Variants in FXR1 observed in about 807,000 individuals in gnomAD.
FXR1 encodes FMR1 autosomal homolog 1.
A neutral mutation model predicts 84.0 loss-of-function variants in FXR1; 15 were observed. The observed-to-expected ratio is 0.18, with a 90% CI of 0.12 to 0.27. The LOEUF (loss-of-function observed/expected upper bound fraction) is 0.27, where lower values mean the gene tolerates loss of function less well. FXR1 is among the 10% of genes least tolerant of loss of function. The probability of loss-of-function intolerance (pLI) is 1.00; values close to 1 mark genes in which losing one functional copy is unlikely to be tolerated. For missense variants in FXR1, 480 were observed against 774.4 expected, an observed-to-expected ratio of 0.62 and a Z score of 4.51; for synonymous variants, 245 against 250.7, an observed-to-expected ratio of 0.98 and a Z score of 0.21.
intron 8 of FXR1, among the ~76,000 whole-genome samples, chr3:180,952,816 A>G (rs1338520209): frequency 6.6e-6 from 1 of 151,350 alleles, no homozygotes; most frequent in South Asian, 2.1e-4. Context: ...AATTTAAAAA[A>G]AATTTTATTT....
At chr3:180,931,047 A>AAAAAAAAAAAAAACG (rs1719838202) in intron 1 of FXR1, among the ~76,000 whole-genome samples, 1 of 150,476 alleles carries the variant, frequency 6.6e-6, no homozygotes, top group African/African-American at 2.4e-5. Context: ...AAAAAAAAAA[A>AAAAAAAAAAAAAACG]GACGTGAATG....
chr3:180,965,727 A>G (rs1712738241), intron 13 of FXR1, among the ~76,000 whole-genome samples: 1 of 152,188 alleles, frequency 6.6e-6, no homozygotes, highest in Admixed American at 6.5e-5. Flanking sequence ...TTGCTATCAC[A>G]GAAACATTTA....
At chr3:180,976,045 T>C (rs1714196591) in intron 16 of FXR1, 77 bp from the exon 17 acceptor site, 8 of 1,067,464 alleles carry the variant, frequency 7.5e-6, no homozygotes, top group African/African-American at 1.6e-5. Context: ...AGCTAATTAG[T>C]GTTTATGTAG....
chr3:180,922,387 T>G (rs1439017922), intron 1 of FXR1, among the ~76,000 whole-genome samples: 1 of 152,236 alleles, frequency 6.6e-6, no homozygotes, highest in East Asian at 1.9e-4. Context: ...TCATTGGAAC[T>G]TGATCCCAGT....
At chr3:180,940,764 C>A (rs138469585) in intron 3 of FXR1, among the ~76,000 whole-genome samples, 1 of 151,938 alleles carries the variant, frequency 6.6e-6, no homozygotes, top group African/African-American at 2.4e-5. Flanking sequence ...TTGGTAGAGA[C>A]GGGTTTTCTC....
chr3:180,957,645 C>G, intron 9 of FXR1, 174 bp from the exon 10 acceptor site: 1 of 492,000 alleles, frequency 2.0e-6, no homozygotes. Flanking sequence ...AAGTTTCAGA[C>G]CAAGGGTGAA....
At chr3:180,953,651 A>G (rs1722452874) in intron 8 of FXR1, 111 bp from the exon 9 acceptor site, 1 of 627,408 alleles carries the variant, frequency 1.6e-6, no homozygotes, top group Non-Finnish European at 2.9e-6. Context: ...ATAATCTTTT[A>G]GTAGAACATA....
intron 15 of FXR1, chr3:180,971,094 C>G: frequency 2.4e-6 from 3 of 1,252,560 alleles, no homozygotes; most frequent in Non-Finnish European, 3.1e-6. Context: ...AAAAAAAACC[C>G]CAGCGACGCA....
At chr3:180,952,917 C>G (rs569751178) in intron 8 of FXR1, among the ~76,000 whole-genome samples, 1 of 150,994 alleles carries the variant, frequency 6.6e-6, no homozygotes, top group East Asian at 2.0e-4. Context: ...ACTGCAGCCT[C>G]CAACCCCTGG....
At chr3:180,970,916 C>A (rs1409934801) in intron 15 of FXR1, among the ~76,000 whole-genome samples, 2 of 152,112 alleles carry the variant, frequency 1.3e-5, no homozygotes, top group Non-Finnish European at 2.9e-5. Context: ...ATGCTGAAAG[C>A]TACAAAAATG....
chr3:180,958,337 T>G (rs1711597370), intron 10 of FXR1, among the ~76,000 whole-genome samples: 1 of 152,186 alleles, frequency 6.6e-6, no homozygotes, highest in African/African-American at 2.4e-5. Flanking sequence ...ACCTGTCACC[T>G]GAGCACTGTA....
intron 14 of FXR1, 126 bp from the exon 15 acceptor site, chr3:180,970,032 G>T: frequency 2.0e-6 from 1 of 495,020 alleles, no homozygotes; most frequent in Admixed American, 3.2e-5. Context: ...CATTTTATTT[G>T]AAGACAGTGC....
intron 10 of FXR1, 91 bp downstream of exon 10, chr3:180,958,019 C>CAG: frequency 3.8e-6 from 2 of 530,942 alleles, no homozygotes; most frequent in Non-Finnish European, 6.8e-6. Flanking sequence ...TTATCTGATA[C>CAG]AGAGGGTTTT....
intron 16 of FXR1, 79 bp from the exon 17 acceptor site, chr3:180,976,043 A>G (rs1349539378): frequency 1.9e-6 from 2 of 1,042,664 alleles, no homozygotes; most frequent in African/African-American, 3.2e-5. Context: ...TTAGCTAATT[A>G]GTGTTTATGT....
intron 3 of FXR1, among the ~76,000 whole-genome samples, chr3:180,941,488 T>A (rs1721113884): frequency 6.6e-6 from 1 of 152,198 alleles, no homozygotes; most frequent in Admixed American, 6.5e-5. Context: ...TCTAATTCAG[T>A]ATTTTATTTA....
chr3:180,914,729 CT>C, intron 1 of FXR1: 1 of 833,166 alleles, frequency 1.2e-6, no homozygotes, highest in Non-Finnish European at 1.4e-6. Flanking sequence ...TATCTACAAT[CT>C]ACTGCTTGTT....
At chr3:180,948,260 T>TTA in intron 4 of FXR1, 87 bp from the exon 5 acceptor site, 1 of 953,426 alleles carries the variant, frequency 1.0e-6, no homozygotes, top group Non-Finnish European at 1.6e-6. Context: ...GGTCCGTTGG[T>TTA]TAAGCTGAGC....
chr3:180,927,662 C>A, intron 1 of FXR1: 1 of 531,980 alleles, frequency 1.9e-6, no homozygotes. Flanking sequence ...TTTAAGCACC[C>A]GTCTAAAAAA....
chr3:180,922,993 A>G lies in FXR1; in HGVS notation c.51+10257A>G, dbSNP rs531382672. On this transcript the variant is annotated intron_variant, in intron 1 of 16. Transcript: ENST00000357559. ...GTTTTTAACATAATTTTTTTTTTCC[A>G]TTAAGGCTTCTGGGTTTCCAGTCCT... Among the ~76,000 whole-genome samples, 112 of 151,560 alleles carry G rather than the reference A, an allele frequency of 7.4e-4. 1 individual carries two copies. The highest frequency in any genetic ancestry group is 7.3e-3 in the Admixed American group (111 of 15,204).
Sources: allele counts gnomAD v4.1 joint callset (sites outside exome capture counted in the v4.1 genomes callset), GRCh38; gene constraint gnomAD v4.1.1; transcripts MANE v1.5; gene names NCBI Gene and HGNC (gene_info 2026-07-23, HGNC 2026-07-21).